The following IGFL2 variants were observed in gnomAD, a reference collection of about 807,000 sequenced individuals.
The protein encoded by IGFL2 is insulin growth factor-like family member 2.
In IGFL2, 7 loss-of-function variants were observed where a neutral mutation model predicts 13.9. The observed-to-expected ratio is 0.51, with a 90% confidence interval of 0.29 to 0.95. The LOEUF is 0.95. IGFL2 is among the 40% of genes least tolerant of loss of function. The pLI, the probability that IGFL2 is intolerant of heterozygous loss-of-function variation, is 0.08. For missense variants in IGFL2, 138 were observed against 147.8 expected (o/e 0.93, Z 0.34); for synonymous variants, 55 against 55.8 (o/e 0.99, Z 0.07).
the IGFL2 span, among the ~76,000 whole-genome samples, chr19:46,189,425 C>A: frequency 3.3e-5 from 5 of 152,230 alleles, no homozygotes; most frequent in East Asian, 7.7e-4. Context: ...TGCGGGCAGG[C>A]CTGACGGATG....
the IGFL2 span, among the ~76,000 whole-genome samples, chr19:46,085,950 A>G: frequency 2.0e-5 from 3 of 152,158 alleles, no homozygotes; most frequent in East Asian, 5.8e-4. Context: ...CAATTCAAAT[A>G]TTTTATTGCT....
At chr19:46,111,453 A>G in the IGFL2 span, 1 of 152,254 alleles carries the variant, frequency 6.6e-6, no homozygotes, top group South Asian at 2.1e-4. Context: ...TTAATGGGAC[A>G]ACACTGAGAG....
the IGFL2 span, among the ~76,000 whole-genome samples, chr19:46,122,721 A>G: frequency 7.9e-5 from 12 of 151,144 alleles, no homozygotes; most frequent in Non-Finnish European, 1.3e-4. Context: ...AAAAACTGCA[A>G]TGGTTTACAT....
At chr19:46,184,598 A>G in the IGFL2 span, among the ~76,000 whole-genome samples, 63,615 of 151,944 alleles carry the variant, frequency 0.42, 15,661 homozygotes, top group Non-Finnish European at 0.57. Context: ...GCCTTTTTTT[A>G]TGGCTACATA....
At chr19:46,198,606 G>A in the IGFL2 span, among the ~76,000 whole-genome samples, 2 of 152,072 alleles carry the variant, frequency 1.3e-5, no homozygotes, top group African/African-American at 4.8e-5. Flanking sequence ...CTCAACATTC[G>A]TGCTGGAATA....
the IGFL2 span, among the ~76,000 whole-genome samples, chr19:46,081,224 T>C: frequency 5.9e-5 from 9 of 152,232 alleles, no homozygotes; most frequent in African/African-American, 1.7e-4. Flanking sequence ...TTAGGAAGTG[T>C]TCATTATCGT....
At chr19:46,166,875 T>C in the IGFL2 span, among the ~76,000 whole-genome samples, 6 of 152,250 alleles carry the variant, frequency 3.9e-5, no homozygotes, top group Admixed American at 1.3e-4. Flanking sequence ...ATTGCTGTTA[T>C]CCTGTTCTTT....
the IGFL2 span, among the ~76,000 whole-genome samples, chr19:46,194,476 T>C: frequency 6.6e-6 from 1 of 152,220 alleles, no homozygotes; most frequent in South Asian, 2.1e-4. Flanking sequence ...CCCATTCTGC[T>C]GCAGAAAGCA....
At chr19:46,194,564 G>A in the IGFL2 span, among the ~76,000 whole-genome samples, 16 of 152,240 alleles carry the variant, frequency 1.1e-4, no homozygotes, top group African/African-American at 3.9e-4. Context: ...GCTCACGCCT[G>A]TAATCCCAGC....
the IGFL2 span, among the ~76,000 whole-genome samples, chr19:46,106,210 AG>A: frequency 3.3e-5 from 5 of 152,150 alleles, no homozygotes; most frequent in Non-Finnish European, 7.4e-5. Context: ...CGGATGAGGA[AG>A]AAATTTGGGC....
At chr19:46,139,654 C>T (rs994687314), upstream of IGFL2, among the ~76,000 whole-genome samples, 7 of 151,824 alleles carry the variant, frequency 4.6e-5, no homozygotes, top group African/African-American at 1.7e-4. Context: ...TACCTAATTA[C>T]TTAGCTTGAA....
the IGFL2 span, chr19:46,189,519 G>A: frequency 1.3e-5 from 2 of 152,388 alleles, no homozygotes; most frequent in East Asian, 1.9e-4. Context: ...AGTCTGCTAA[G>A]TAGTGGGTGC....
At chr19:46,133,519 A>G in the IGFL2 span, among the ~76,000 whole-genome samples, 1 of 152,224 alleles carries the variant, frequency 6.6e-6, no homozygotes, top group Admixed American at 6.5e-5. Context: ...ATGCTGAGAG[A>G]GGCAAAAGCA....
intron 1 of IGFL2, among the ~76,000 whole-genome samples, chr19:46,152,308 A>T: frequency 1.4e-5 from 2 of 142,502 alleles, no homozygotes; most frequent in Non-Finnish European, 1.5e-5. Context: ...ACAGAATCTC[A>T]CTCTATCATG....
the IGFL2 span, among the ~76,000 whole-genome samples, chr19:46,173,133 T>C: frequency 1.3e-5 from 2 of 152,344 alleles, no homozygotes; most frequent in African/African-American, 4.8e-5. Flanking sequence ...GTTGCTGCTT[T>C]TATTTGGAAG....
At chr19:46,111,564 T>C in the IGFL2 span, 1 of 152,246 alleles carries the variant, frequency 6.6e-6, no homozygotes, top group African/African-American at 2.4e-5. Context: ...CATTGCCAAG[T>C]GTGTCTGCCA....
chr19:46,129,349 GTGTC>G, the IGFL2 span, among the ~76,000 whole-genome samples: 39 of 138,518 alleles, frequency 2.8e-4, no homozygotes, highest in East Asian at 1.5e-3. Flanking sequence ...GTGTGTGTGT[GTGTC>G]TCTGTCTCCT....
At chr19:46,125,977 T>A in the IGFL2 span, among the ~76,000 whole-genome samples, 226 of 152,332 alleles carry the variant, frequency 1.5e-3, 1 homozygote, top group African/African-American at 5.2e-3. Context: ...CTTACAGAAG[T>A]GGCAAGGGGC....
chr19:46,102,466 A>G, the IGFL2 span, among the ~76,000 whole-genome samples: 5 of 152,210 alleles, frequency 3.3e-5, no homozygotes, highest in Non-Finnish European at 7.3e-5. Flanking sequence ...AATATTACAA[A>G]GTACCTTCTT....
Sources: allele counts gnomAD v4.1 joint callset (sites outside exome capture counted in the v4.1 genomes callset), GRCh38; gene constraint gnomAD v4.1.1; transcripts MANE v1.5; gene names NCBI Gene and HGNC (gene_info 2026-07-23, HGNC 2026-07-21).